ORAI2: variants seen among roughly 807,000 people sequenced by gnomAD.
The protein encoded by ORAI2 is protein orai-2.
In ORAI2, 10 loss-of-function variants were observed where a neutral mutation model predicts 16.2. That is an observed-to-expected ratio of 0.62 (90% CI 0.38 to 1.04). ORAI2 has a LOEUF of 1.04. Among genes scored for constraint, ORAI2 ranks in the 50% least tolerant of loss-of-function variants. The pLI is 0.01. For synonymous variants in ORAI2, 150 were observed against 157.5 expected (o/e 0.95, Z 0.35); for missense variants, 238 against 355.5 (o/e 0.67, Z 2.66).
chr7:102,438,864 A>G lies in ORAI2; in HGVS notation c.-13-80A>G, dbSNP rs1371679168. The stretch of plus-strand genomic sequence containing the variant: ...GTGGGCTGTATATGGCAGCCTCTGT[A>G]GGTTGAATGGGCTTGGAGTCTAGCT... On this transcript the variant is annotated intron_variant, in intron 2 of 3. Transcript: ENST00000495936. 15 of 1,354,712 alleles carry G rather than the reference A, an allele frequency of 1.1e-5. No individual in the cohort carries two copies. The African/African-American group carries it at 2.1e-4, about 19-fold the overall frequency. The allele number at this position is 1,354,712 out of a possible 1,614,324, so 83.9% of individuals were successfully genotyped here. A position where few individuals can be genotyped will look rare whatever the true frequency, so the allele number is the denominator to read the frequency against.
rs749014730 is a variant in ORAI2 at position 102,446,808 on chromosome 7, T to G, written c.521T>G (p.Leu174Arg). The G allele has an allele frequency of 3.7e-6, 6 of 1,613,984 alleles. No individual in the cohort carries two copies. Residue 174 changes from leucine to arginine, a missense_variant, in exon 4 of 4, where the codon CTC becomes CGC. This residue lies in a region of ORAI2 where 176 missense variants were observed against 265.9 expected (regional missense o/e 0.66). Coordinates refer to ENST00000495936, the MANE Select transcript of ORAI2 (RefSeq NM_001126340.3). ...EVVLLCWIKFLPVDARRQPGP... is the reference protein window; with the variant it reads ...EVVLLCWIKFRPVDARRQPGP... ...GTGCTGCTCTGCTGGATCAAGTTCC[T>G]CCCCGTGGATGCCCGGCGCCAGCCT...
At chr7:102,441,475 G>A (rs1586711153) in intron 3 of ORAI2, among the ~76,000 whole-genome samples, 1 of 148,724 alleles carries the variant, frequency 6.7e-6, no homozygotes, top group African/African-American at 2.5e-5. Context: ...GGAGGCGGAG[G>A]TTGCACTGAG....
intron 2 of ORAI2, among the ~76,000 whole-genome samples, chr7:102,438,683 G>C (rs1028507465): frequency 6.6e-6 from 1 of 152,194 alleles, no homozygotes; most frequent in African/African-American, 2.4e-5. Flanking sequence ...TGAAGCAGGA[G>C]AATTGCTTGA....
At position 102,433,585 on chromosome 7, in the gene ORAI2, C is replaced by CCGGGCCACTGGGCCA. The variant is rs1191428038; in HGVS notation, c.-197_-183dup. On this transcript the variant is annotated 5_prime_UTR_variant, in exon 1 of 4. Transcript: ENST00000495936. This position sits in a 1 kb window ranked among gnomAD's most constrained non-coding sequence, Gnocchi z 4.6. ...GAGGGGGCCGCGCTCGGCGCCCCGG[C>CCGGGCCACTGGGCCA]CGGGCCACTGGGCCACAGGCCACGC... is the stretch of plus-strand genomic sequence containing the variant. The CCGGGCCACTGGGCCA allele has an allele frequency of 3.3e-5, 5 of 150,440 alleles. No homozygotes were observed. The highest frequency in any genetic ancestry group is 6.6e-5 in the Admixed American group (1 of 15,114). The allele number at this position is 150,440 out of a possible 1,614,324, so 9.3% of individuals were successfully genotyped here. A position where few individuals can be genotyped will look rare whatever the true frequency, so the allele number is the denominator to read the frequency against.
At chr7:102,444,558 G>A (rs1175860122) in intron 3 of ORAI2, among the ~76,000 whole-genome samples, 5 of 120,552 alleles carry the variant, frequency 4.1e-5, no homozygotes, top group African/African-American at 6.3e-5. Context: ...ATGAGCCACC[G>A]CACCTGGCCT....
At chr7:102,436,771 C>T (rs990903548) in intron 2 of ORAI2, among the ~76,000 whole-genome samples, 13 of 152,002 alleles carry the variant, frequency 8.6e-5, no homozygotes, top group South Asian at 2.1e-4. Flanking sequence ...AGTGCAGTGG[C>T]GCAATCTTGG....
At chr7:102,438,341 T>C (rs950137832) in intron 2 of ORAI2, among the ~76,000 whole-genome samples, 21 of 150,758 alleles carry the variant, frequency 1.4e-4, no homozygotes, top group African/African-American at 5.1e-4. Flanking sequence ...AAAAAATATA[T>C]CAAATCAAAT....
At chr7:102,440,567 C>G (rs1797171333) in intron 3 of ORAI2, among the ~76,000 whole-genome samples, 1 of 152,198 alleles carries the variant, frequency 6.6e-6, no homozygotes, top group South Asian at 2.1e-4. Flanking sequence ...GGGTCCCACT[C>G]TGTTGCCCAG....
intron 3 of ORAI2, among the ~76,000 whole-genome samples, chr7:102,445,797 CTTTT>C (rs138401710): frequency 0.036 from 5,466 of 152,040 alleles, 134 homozygotes; most frequent in South Asian, 0.06. Flanking sequence ...TCACTTCTTT[CTTTT>C]GTTTCCTTCC....
At position 102,456,163 on chromosome 7, in the gene ORAI2, C is replaced by T. The variant is rs1305037789; in HGVS notation, c.*9111C>T. 3 of 153,906 alleles carry T rather than the reference C, an allele frequency of 1.9e-5. No individual in the cohort carries two copies. Among genetic ancestry groups the T allele is most frequent in the African/African-American group, 7.2e-5 (3 of 41,444 alleles). The allele number at this position is 153,906 out of a possible 1,614,324, so 9.5% of individuals were successfully genotyped here. On this transcript the variant is annotated 3_prime_UTR_variant, in exon 4 of 4. Coordinates refer to ENST00000495936, the MANE Select transcript of ORAI2 (RefSeq NM_001126340.3). ...GCCACAGGAACAGCAGAGCAGCTCC[C>T]CCATCCAGGTAAGCGCCCCCACCAC...
intron 2 of ORAI2, among the ~76,000 whole-genome samples, chr7:102,438,715 A>G (rs1005394778): frequency 1.3e-5 from 2 of 151,500 alleles, no homozygotes; most frequent in African/African-American, 2.4e-5. Context: ...GGAGTTTCCA[A>G]TGAGGTGAGA....
At position 102,446,864 on chromosome 7, in the gene ORAI2, G is replaced by A. The variant is rs1797383696; in HGVS notation, c.577G>A (p.Gly193Ser). 1 of 1,613,678 alleles carries A rather than the reference G, an allele frequency of 6.2e-7. No individual in the cohort carries two copies. The highest frequency in any genetic ancestry group is 1.1e-5 in the South Asian group (1 of 91,082). The change falls in exon 4 of 4, where the codon GGC becomes AGC. Residue 193 changes from glycine to serine, a missense_variant. By Grantham distance (56) the Gly-to-Ser change is moderately conservative (BLOSUM62 0). Coordinates refer to ENST00000495936, the MANE Select transcript of ORAI2 (RefSeq NM_001126340.3). ...GPPPGPGSHT[G>S]WQAALVSTII... is the part of the protein sequence containing the mutation. ...CCCACCTGGCCCTGGGAGTCACACG[G>A]GCTGGCAGGCCGCCCTGGTGTCCAC...
rs901642119 is a variant in ORAI2, at chr7:102,453,621, G to A, written c.*6569G>A. 4 of 152,342 alleles carry A rather than the reference G, an allele frequency of 2.6e-5. No homozygotes were observed. The highest frequency in any genetic ancestry group is 2.1e-4 in the South Asian group (1 of 4,828). The allele number at this position is 152,342 out of a possible 1,614,324, so 9.4% of individuals were successfully genotyped here. ...AAGCCTCGAGAAAGACTGCACTTCC[G>A]GTGGAGGCTGCAGTTTCCTTAAAGG... On this transcript the variant is annotated 3_prime_UTR_variant, in exon 4 of 4. Coordinates refer to ENST00000495936, the MANE Select transcript of ORAI2 (RefSeq NM_001126340.3).
chr7:102,444,658 GCTT>G lies in ORAI2; in HGVS notation c.226-1848_226-1846del, dbSNP rs1405012768. Reference sequence around the variant, plus strand: ...CAGTGGGTAGAAGAACCTTCCCCAGGCTTCTTCTTTTTTTTTTTTTTTTTTGAG... The same window carrying G: ...CAGTGGGTAGAAGAACCTTCCCCAGGCTTCTTTTTTTTTTTTTTTTTTGAG... On this transcript the variant is annotated intron_variant, in intron 3 of 3. Coordinates refer to ENST00000495936, the MANE Select transcript of ORAI2 (RefSeq NM_001126340.3). Among the ~76,000 whole-genome samples the G allele has an allele frequency of 5.9e-5, 7 of 118,188 alleles. No homozygotes were observed. In the South Asian group the frequency reaches 1.7e-3, roughly 29 times the overall value. 77.5% of individuals were successfully genotyped at this position (118,188 alleles called of 152,430 possible).
chr7:102,439,344 C>T (rs1797138663), intron 3 of ORAI2, among the ~76,000 whole-genome samples, 163 bp downstream of exon 3: 1 of 152,230 alleles, frequency 6.6e-6, no homozygotes, highest in Non-Finnish European at 1.5e-5. Context: ...GAGGACGACT[C>T]TATCAGTGCG....
At chr7:102,440,022 G>T (rs1261860778) in intron 3 of ORAI2, among the ~76,000 whole-genome samples, 1 of 152,182 alleles carries the variant, frequency 6.6e-6, no homozygotes, top group Admixed American at 6.5e-5. Flanking sequence ...GCCGGAGGTT[G>T]CAGTGAGCCA....
At chr7:102,443,078 T>C (rs1203348189) in intron 3 of ORAI2, among the ~76,000 whole-genome samples, 1 of 147,610 alleles carries the variant, frequency 6.8e-6, no homozygotes, top group South Asian at 2.1e-4. Flanking sequence ...CAGTGAAAAA[T>C]TGCCTTCTCT....
Position 102,447,263 on chromosome 7 carries a change from G to A in ORAI2, c.*211G>A, listed in dbSNP as rs1021427726. On this transcript the variant is annotated 3_prime_UTR_variant, in exon 4 of 4. Transcript: ENST00000495936. ...TGTTGCTAAGAGCGTTGGGGGCAAAGCCAGGCTGGTTCCTTGGCCTCGGGG... is the reference window on the plus strand; with the variant it reads ...TGTTGCTAAGAGCGTTGGGGGCAAAACCAGGCTGGTTCCTTGGCCTCGGGG... 3.2e-6 allele frequency: 2 copies of A among 621,736 alleles called. No homozygotes were observed. Among genetic ancestry groups the A allele is most frequent in the Non-Finnish European group, 5.4e-6 (2 of 373,172 alleles). The allele number at this position is 621,736 out of a possible 1,614,324, so 38.5% of individuals were successfully genotyped here.
chr7:102,443,565 A>G (rs1797271032), intron 3 of ORAI2, among the ~76,000 whole-genome samples: 2 of 152,004 alleles, frequency 1.3e-5, no homozygotes, highest in African/African-American at 4.8e-5. Context: ...TGAGGTGACC[A>G]TAGCCAACCC....
Sources: allele counts gnomAD v4.1 joint callset (sites outside exome capture counted in the v4.1 genomes callset), GRCh38; gene constraint gnomAD v4.1.1; regional missense constraint gnomAD v4.1.1; non-coding constraint Gnocchi (gnomAD v3.1); transcripts MANE v1.5; gene names NCBI Gene and HGNC (gene_info 2026-07-23, HGNC 2026-07-21).